The following COL13A1 variants were observed in gnomAD, a reference collection of about 807,000 sequenced individuals.
COL13A1 encodes the protein collagen type XIII alpha 1 chain.
Under a neutral mutation model 130.9 loss-of-function variants are expected in COL13A1, and 89 were observed. The ratio of observed to expected loss-of-function variants is 0.68; its 90% confidence interval spans 0.57 to 0.81. COL13A1 has a LOEUF of 0.81. COL13A1 is among the 30% of genes least tolerant of loss of function. COL13A1 has a pLI of 0.00. For missense variants in COL13A1, 879 were observed against 934.6 expected, an observed-to-expected ratio of 0.94 and a Z score of 0.78; for synonymous variants, 402 against 341.6, an observed-to-expected ratio of 1.18 and a Z score of -1.95.
At chr10:69,942,221 A>G (rs16927103) in intron 35 of COL13A1, among the ~76,000 whole-genome samples, 18,553 of 152,184 alleles carry the variant, frequency 0.12, 1,227 homozygotes, top group Middle Eastern at 0.31. Context: ...TAAATAGGAG[A>G]TGACATGGCT....
At position 69,808,848 on chromosome 10, in the gene COL13A1, G is replaced by A. The variant is rs951345727; in HGVS notation, c.294+6131G>A. ...CTCTCCTCGCAGCGTCCCCGGCCCT[G>A]GACCCAGCAATAGGCTCAGCATTTG... On this transcript the variant is annotated intron_variant, in intron 1 of 40. Coordinates refer to ENST00000645393, the MANE Select transcript of COL13A1 (RefSeq NM_001368882.1). 4.6e-5 allele frequency among the ~76,000 whole-genome samples: 7 copies of A among 152,350 alleles called. No individual in the cohort carries two copies. In the South Asian group the frequency reaches 8.3e-4, roughly 18 times the overall value.
At chr10:69,805,431 G>A (rs921945174) in intron 1 of COL13A1, among the ~76,000 whole-genome samples, 2 of 152,200 alleles carry the variant, frequency 1.3e-5, no homozygotes, top group Non-Finnish European at 2.9e-5. Context: ...CCTTATCTGT[G>A]GGGGCCTTGT....
At chr10:69,871,966 G>A (rs2059113436) in intron 3 of COL13A1, among the ~76,000 whole-genome samples, 1 of 152,214 alleles carries the variant, frequency 6.6e-6, no homozygotes, top group Admixed American at 6.5e-5. Flanking sequence ...GTAAGTGGCA[G>A]AGCCAAGAGG....
intron 17 of COL13A1, among the ~76,000 whole-genome samples, chr10:69,914,516 AG>A (rs2063715964): frequency 6.6e-6 from 1 of 152,248 alleles, no homozygotes; most frequent in South Asian, 2.1e-4. Flanking sequence ...CTGCCAGCCC[AG>A]CTCCTCGAAA....
intron 17 of COL13A1, among the ~76,000 whole-genome samples, chr10:69,917,047 T>C (rs1292364199): frequency 6.6e-6 from 1 of 152,144 alleles, no homozygotes. Flanking sequence ...TGCATTCCAC[T>C]AGGTAAGCCT....
intron 2 of COL13A1, among the ~76,000 whole-genome samples, chr10:69,851,262 T>A (rs1045837596): frequency 3.9e-5 from 6 of 152,176 alleles, no homozygotes; most frequent in African/African-American, 1.4e-4. Context: ...TTCAGAGAAG[T>A]GAGAGAATCA....
At chr10:69,868,567 G>C (rs938044310) in intron 3 of COL13A1, among the ~76,000 whole-genome samples, 4 of 152,198 alleles carry the variant, frequency 2.6e-5, no homozygotes, top group Admixed American at 1.3e-4. Context: ...GGGAGCTGGA[G>C]ATAGGAATTG....
intron 38 of COL13A1, among the ~76,000 whole-genome samples, chr10:69,949,604 G>A (rs1170057859): frequency 6.6e-6 from 1 of 152,152 alleles, no homozygotes; most frequent in Non-Finnish European, 1.5e-5. Flanking sequence ...CCTTGTCATG[G>A]TGGGCAAAGG....
Position 69,958,954 on chromosome 10 carries a change from A to G in COL13A1, c.*253A>G. 1.9e-6 allele frequency: 1 copy of G among 522,266 alleles called. No homozygotes were observed. Among genetic ancestry groups the G allele is most frequent in the Non-Finnish European group, 3.3e-6 (1 of 302,164 alleles). The allele number at this position is 522,266 out of a possible 1,614,324, so 32.4% of individuals were successfully genotyped here. On this transcript the variant is annotated 3_prime_UTR_variant, in exon 41 of 41. Transcript: ENST00000645393. ...GTCTGCATGATATTTGTGCACATTT[A>G]TTAAGTATCGAAGCTTAATAAATTA...
chr10:69,849,860 T>C (rs1201087167), intron 2 of COL13A1, among the ~76,000 whole-genome samples: 1 of 152,198 alleles, frequency 6.6e-6, no homozygotes, highest in African/African-American at 2.4e-5. Context: ...AAGCACCTTA[T>C]GGGATGGGGC....
intron 35 of COL13A1, among the ~76,000 whole-genome samples, chr10:69,941,976 C>A (rs1479400464): frequency 6.6e-6 from 1 of 152,208 alleles, no homozygotes. Context: ...CTGCCCATGG[C>A]CTGCATGGAG....
chr10:69,864,948 C>G (rs1859398527), intron 2 of COL13A1, among the ~76,000 whole-genome samples: 1 of 152,210 alleles, frequency 6.6e-6, no homozygotes, highest in South Asian at 2.1e-4. Context: ...CTTCATAGTT[C>G]TCCCTGCTGC....
At chr10:69,817,284 A>G (rs1331287852) in intron 1 of COL13A1, among the ~76,000 whole-genome samples, 1 of 151,986 alleles carries the variant, frequency 6.6e-6, no homozygotes, top group Non-Finnish European at 1.5e-5. Flanking sequence ...TCGTGGAAGC[A>G]CAGATGGGGA....
chr10:69,958,880 T>C lies in COL13A1; in HGVS notation c.*179T>C. 3.6e-6 allele frequency: 3 copies of C among 825,692 alleles called. No homozygotes were observed. The highest frequency in any genetic ancestry group is 2.7e-5 in the East Asian group (1 of 36,908). The allele number at this position is 825,692 out of a possible 1,614,324, so 51.1% of individuals were successfully genotyped here. On this transcript the variant is annotated 3_prime_UTR_variant, in exon 41 of 41. Coordinates refer to ENST00000645393, the MANE Select transcript of COL13A1 (RefSeq NM_001368882.1). ...AACCTCTTCCCTTTTGTTTACAAGATGTTTTGTATAAGCCTATGTCTCTAA... is the reference window on the plus strand; with the variant it reads ...AACCTCTTCCCTTTTGTTTACAAGACGTTTTGTATAAGCCTATGTCTCTAA...
chr10:69,945,428 G>A (rs1029149624), intron 36 of COL13A1, among the ~76,000 whole-genome samples: 6 of 152,198 alleles, frequency 3.9e-5, no homozygotes, highest in Non-Finnish European at 7.3e-5. Flanking sequence ...AGGACACCAC[G>A]GGTCATTCTG....
intron 7 of COL13A1, among the ~76,000 whole-genome samples, chr10:69,887,173 C>T (rs192657266): frequency 6.6e-6 from 1 of 152,352 alleles, no homozygotes; most frequent in East Asian, 1.9e-4. Flanking sequence ...CATGCATCCA[C>T]AGCGGTGAGG....
Position 69,856,756 on chromosome 10 carries a change from G to C in COL13A1, c.365-11042G>C, listed in dbSNP as rs143816224. Among the ~76,000 whole-genome samples, 158 of 152,308 alleles carry C rather than the reference G, an allele frequency of 1.0e-3. 2 individuals are homozygous for C. Among genetic ancestry groups the C allele is most frequent in the African/African-American group, 3.3e-3 (138 of 41,570 alleles). ...GATGATTTCCTGGGAAGGGCCCAAG[G>C]TGAGGGGCTGGGGGTGGAGCAGGAA... is the stretch of plus-strand genomic sequence containing the variant. On this transcript the variant is annotated intron_variant, in intron 2 of 40. Coordinates refer to ENST00000645393, the MANE Select transcript of COL13A1 (RefSeq NM_001368882.1).
intron 1 of COL13A1, among the ~76,000 whole-genome samples, chr10:69,815,207 C>T (rs1370093763): frequency 6.6e-6 from 1 of 152,156 alleles, no homozygotes; most frequent in East Asian, 1.9e-4. Context: ...TGGACCCACC[C>T]CATGTATTGC....
intron 15 of COL13A1, among the ~76,000 whole-genome samples, chr10:69,903,332 C>G (rs963639608): frequency 9.9e-5 from 15 of 152,212 alleles, no homozygotes; most frequent in African/African-American, 3.4e-4. Flanking sequence ...TCCAGTCAGC[C>G]AAGAGCCCTG....
Sources: gnomAD v4.1 joint callset for allele counts (sites outside exome capture counted in the v4.1 genomes callset) on GRCh38, gnomAD v4.1.1 for gene constraint, MANE v1.5 for transcripts, NCBI Gene and HGNC (gene_info 2026-07-23, HGNC 2026-07-21) for gene names.